The following PSMB9 variants were observed in gnomAD, a reference collection of about 807,000 sequenced individuals.
PSMB9 encodes the protein proteasome subunit beta type-9.
A neutral mutation model predicts 26.9 loss-of-function variants in PSMB9; 16 were observed. That is an observed-to-expected ratio of 0.59 (90% CI 0.40 to 0.90). The LOEUF (loss-of-function observed/expected upper bound fraction) is 0.90, where lower values mean the gene tolerates loss of function less well. PSMB9 is among the 40% of genes least tolerant of loss of function. PSMB9 has a pLI of 0.00. For missense variants in PSMB9, 253 were observed against 292.2 expected, an observed-to-expected ratio of 0.87 and a Z score of 0.98; for synonymous variants, 91 against 112.0, an observed-to-expected ratio of 0.81 and a Z score of 1.18.
At position 32,857,324 on chromosome 6, in the gene PSMB9, G is replaced by T. The variant is rs148307794; in HGVS notation, c.190G>T (p.Ala64Ser). The T allele has an allele frequency of 2.5e-4, 401 of 1,612,734 alleles. 1 individual carries two copies. Among genetic ancestry groups the T allele is most frequent in the Admixed American group, 7.0e-4 (42 of 60,000 alleles). Residue 64 changes from alanine to serine, a missense_variant, in exon 3 of 6, where the codon GCA becomes TCA. By Grantham distance (99) the Ala-to-Ser change is moderately conservative. Transcript: ENST00000374859. ...CCCGCTGCACGAGCGCATCTACTGT[G>T]CACTCTCTGGTTCAGCTGCTGATGC... is the stretch of plus-strand genomic sequence containing the variant. The part of the protein sequence containing the change: ...LSPLHERIYC[A>S]LSGSAADAQA...
chr6:32,854,370 A>G lies in PSMB9; in HGVS notation c.60+81A>G. 3 of 1,344,550 alleles carry G rather than the reference A, an allele frequency of 2.2e-6. No homozygotes were observed. Among genetic ancestry groups the G allele is most frequent in the Non-Finnish European group, 3.0e-6 (3 of 1,016,168 alleles). 83.3% of individuals were successfully genotyped at this position (1,344,550 alleles called of 1,614,324 possible). A position where few individuals can be genotyped will look rare whatever the true frequency, so the allele number is the denominator to read the frequency against. ...GGGACCCTGGAAGCGCGCGCGGAGAAGTGAATGCAGAGACCAACGGGAGCG... is the reference window on the plus strand; with the variant it reads ...GGGACCCTGGAAGCGCGCGCGGAGAGGTGAATGCAGAGACCAACGGGAGCG... On this transcript the variant is annotated intron_variant, in intron 1 of 5. Transcript: ENST00000374859. The surrounding 1 kb of genome is among the most constrained non-coding windows in gnomAD (Gnocchi z 4.6).
chr6:32,856,195 G>A lies in PSMB9; in HGVS notation c.118G>A (p.Val40Met), dbSNP rs749886366. The change falls in exon 2 of 6, where the codon GTG (valine) becomes ATG (methionine). Residue 40 changes from valine (V) to methionine (M), a missense_variant. Coordinates refer to ENST00000374859, the MANE Select transcript of PSMB9 (RefSeq NM_002800.5). ...CGTTGTGATGGGTTCTGATTCCCGA[G>A]TGTCTGCAGGGTGAGTAAAAGTGAA... is the stretch of plus-strand genomic sequence containing the variant. ...GGVVMGSDSR[V>M]SAGEAVVNRV... 7.4e-6 allele frequency: 12 copies of A among 1,612,656 alleles called. No individual in the cohort carries two copies. The highest frequency in any genetic ancestry group is 3.3e-5 in the Admixed American group (2 of 60,000).
rs559603286 is a variant in PSMB9, at chr6:32,854,645, G to C, written c.60+356G>C. On this transcript the variant is annotated intron_variant, in intron 1 of 5. Coordinates refer to ENST00000374859, the MANE Select transcript of PSMB9 (RefSeq NM_002800.5). The surrounding 1 kb of genome is among the most constrained non-coding windows in gnomAD (Gnocchi z 4.6). ...AAGGGGGTTGGGGATGGTGCAAAGA[G>C]ATGAGGAAATGGTGCCCTGGGTGAA... Among the ~76,000 whole-genome samples the C allele has an allele frequency of 4.7e-4, 72 of 152,324 alleles. No individual in the cohort carries two copies. The highest frequency in any genetic ancestry group is 1.7e-3 in the African/African-American group (69 of 41,570).
intron 3 of PSMB9, 50 bp downstream of exon 3, chr6:32,857,444 C>A (rs1226035716): frequency 1.3e-6 from 2 of 1,586,276 alleles, no homozygotes; most frequent in Non-Finnish European, 1.7e-6. Context: ...CTCCCCCAAC[C>A]TGCATGAATC....
At position 32,858,877 on chromosome 6, in the gene PSMB9, A is replaced by C; in HGVS notation, c.532+372A>C. On this transcript the variant is annotated intron_variant, in intron 5 of 5. Transcript: ENST00000374859. This position sits in a 1 kb window ranked among gnomAD's most constrained non-coding sequence, Gnocchi z 5.2. ...TGGTGAAACCCTGTCTCCACAAAAA[A>C]CAATAAAAAAAAGTAAAAAAAAAAA... 1 of 324,590 alleles carries C rather than the reference A, an allele frequency of 3.1e-6. No individual in the cohort carries two copies. The highest frequency in any genetic ancestry group is 5.7e-6 in the Non-Finnish European group (1 of 174,612). 20.1% of individuals were successfully genotyped at this position (324,590 alleles called of 1,614,324 possible). A position where few individuals can be genotyped will look rare whatever the true frequency, so the allele number is the denominator to read the frequency against.
rs150501908 is a variant in PSMB9, at chr6:32,855,455, A to C, written c.61-683A>C. 3.8e-3 allele frequency among the ~76,000 whole-genome samples: 579 copies of C among 152,246 alleles called. 6 individuals are homozygous for C. Among genetic ancestry groups the C allele is most frequent in the Middle Eastern group, 0.02 (6 of 294 alleles). The stretch of plus-strand genomic sequence containing the variant: ...AAAGTCAGCTTAAACTTCTCAGTCA[A>C]ATTATCTCTTGGTACAAATTTACCT... On this transcript the variant is annotated intron_variant, in intron 1 of 5. Coordinates refer to ENST00000374859, the MANE Select transcript of PSMB9 (RefSeq NM_002800.5).
intron 1 of PSMB9, among the ~76,000 whole-genome samples, chr6:32,855,516 G>A (rs180705353): frequency 2.9e-4 from 44 of 152,178 alleles, no homozygotes; most frequent in African/African-American, 6.7e-4. Flanking sequence ...CCTCTTGATC[G>A]GAAATTCCAT....
Position 32,859,433 on chromosome 6 carries a change from C to G in PSMB9, c.561C>G (p.Gly187=). 1 of 1,613,320 alleles carries G rather than the reference C, an allele frequency of 6.2e-7. No individual in the cohort carries two copies. Among genetic ancestry groups the G allele is most frequent in the Non-Finnish European group, 8.5e-7 (1 of 1,179,734 alleles). ...TTGCTCTGGCCATGAGCCGGGATGG[C>G]TCAAGCGGGGGTGTCATCTACCTGG... is the stretch of plus-strand genomic sequence containing the variant. ...DAIALAMSRD[G]SSGGVIYLVT... The change falls in exon 6 of 6, where the codon GGC becomes GGG. Residue 187 remains glycine, a synonymous_variant. Coordinates refer to ENST00000374859, the MANE Select transcript of PSMB9 (RefSeq NM_002800.5).
intron 2 of PSMB9, 110 bp downstream of exon 2, chr6:32,856,315 G>A: frequency 8.9e-7 from 1 of 1,118,930 alleles, no homozygotes; most frequent in South Asian, 1.4e-5. Flanking sequence ...TGGAGGAATG[G>A]AGTTGACCTT....
chr6:32,857,257 T>G lies in PSMB9; in HGVS notation c.129-6T>G. 1 of 1,583,220 alleles carries G rather than the reference T, an allele frequency of 6.3e-7. No homozygotes were observed. Among genetic ancestry groups the G allele is most frequent in the South Asian group, 1.1e-5 (1 of 88,524 alleles). On this transcript the variant is annotated splice_polypyrimidine_tract_variant and splice_region_variant and intron_variant, in intron 2 of 5. Coordinates refer to ENST00000374859, the MANE Select transcript of PSMB9 (RefSeq NM_002800.5). ...AACTTGGTGACTGTTGACTCCCTCC[T>G]GACAGCGAGGCGGTGGTGAACCGAG...
chr6:32,856,358 G>C, intron 2 of PSMB9, 153 bp downstream of exon 2: 1 of 705,996 alleles, frequency 1.4e-6, no homozygotes, highest in Admixed American at 2.8e-5. Flanking sequence ...CTATTTGGTG[G>C]GTGCTTGGGT....
At position 32,854,995 on chromosome 6, in the gene PSMB9, C is replaced by T. The variant is rs1397335334; in HGVS notation, c.60+706C>T. Among the ~76,000 whole-genome samples, 3 of 152,212 alleles carry T rather than the reference C, an allele frequency of 2.0e-5. No individual in the cohort carries two copies. Among genetic ancestry groups the T allele is most frequent in the Admixed American group, 1.3e-4 (2 of 15,288 alleles). On this transcript the variant is annotated intron_variant, in intron 1 of 5. Transcript: ENST00000374859. This position sits in a 1 kb window ranked among gnomAD's most constrained non-coding sequence, Gnocchi z 4.6. The stretch of plus-strand genomic sequence containing the variant: ...TCTGCTCTGGACTACTGCCACCACT[C>T]GTGGCTTGGGGGCGGCTTTGTTAGA...
chr6:32,859,062 A>AG (rs545160838), intron 5 of PSMB9, among the ~76,000 whole-genome samples: 1 of 151,250 alleles, frequency 6.6e-6, no homozygotes, highest in Non-Finnish European at 1.5e-5. Context: ...GAGAAAAAAA[A>AG]AAAAAAAAAG....
In PSMB9 at chr6:32,854,258, A is replaced by T. The variant is rs1771034319; in HGVS notation, c.29A>T (p.Asp10Val). MLRAGAPTGDLPRAGEVHTG... is the reference protein window; with the variant it reads MLRAGAPTGVLPRAGEVHTG... ...CTGCGGGCGGGAGCACCAACCGGGG[A>T]CTTACCCCGGGCGGGAGAAGTCCAC... Residue 10 changes from aspartate to valine, a missense_variant, in exon 1 of 6, where the codon GAC (aspartate) becomes GTC (valine). Physicochemically the swap from Asp to Val is radical, Grantham distance 152. Transcript: ENST00000374859. The surrounding 1 kb of genome is among the most constrained non-coding windows in gnomAD (Gnocchi z 4.6). The T allele has an allele frequency of 3.9e-6, 6 of 1,530,170 alleles. No individual in the cohort carries two copies. The highest frequency in any genetic ancestry group is 5.3e-6 in the Non-Finnish European group (6 of 1,140,828). The allele number at this position is 1,530,170 out of a possible 1,614,324, so 94.8% of individuals were successfully genotyped here.
At position 32,858,313 on chromosome 6, in the gene PSMB9, A is replaced by G. The variant is rs1244859437; in HGVS notation, c.391-51A>G. 1 of 1,611,952 alleles carries G rather than the reference A, an allele frequency of 6.2e-7. No homozygotes were observed. Among genetic ancestry groups the G allele is most frequent in the Non-Finnish European group, 8.5e-7 (1 of 1,179,416 alleles). ...GGGTGCAGAGACCACTTAATGTCTC[A>G]GTGGGAAGGAAGGGCTTGATGATTC... On this transcript the variant is annotated intron_variant, in intron 4 of 5. Transcript: ENST00000374859. The surrounding 1 kb of genome is among the most constrained non-coding windows in gnomAD (Gnocchi z 5.2).
Position 32,858,715 on chromosome 6 carries a change from C to A in PSMB9, c.532+210C>A. The A allele has an allele frequency of 1.5e-6, 1 of 649,558 alleles. No individual in the cohort carries two copies. Among genetic ancestry groups the A allele is most frequent in the Non-Finnish European group, 2.7e-6 (1 of 370,932 alleles). 40.2% of individuals were successfully genotyped at this position (649,558 alleles called of 1,614,324 possible). A position where few individuals can be genotyped will look rare whatever the true frequency, so the allele number is the denominator to read the frequency against. The stretch of plus-strand genomic sequence containing the variant: ...TAAACCAGGGCTGTTCTGAGTAAAT[C>A]AAATGAGGATACACAGTCACTGTGA... On this transcript the variant is annotated intron_variant, in intron 5 of 5. Coordinates refer to ENST00000374859, the MANE Select transcript of PSMB9 (RefSeq NM_002800.5). The surrounding 1 kb of genome is among the most constrained non-coding windows in gnomAD (Gnocchi z 5.2).
In PSMB9 at chr6:32,858,686, C is replaced by T. The variant is rs1336773722; in HGVS notation, c.532+181C>T. The T allele has an allele frequency of 1.1e-5, 8 of 748,350 alleles. No homozygotes were observed. Among genetic ancestry groups the T allele is most frequent in the African/African-American group, 6.9e-5 (4 of 57,606 alleles). 46.4% of individuals were successfully genotyped at this position (748,350 alleles called of 1,614,324 possible). On this transcript the variant is annotated intron_variant, in intron 5 of 5. Coordinates refer to ENST00000374859, the MANE Select transcript of PSMB9 (RefSeq NM_002800.5). The surrounding 1 kb of genome is among the most constrained non-coding windows in gnomAD (Gnocchi z 5.2). ...AGCTCAATGGGGTTCTTGGGCAATACGGATAAACCAGGGCTGTTCTGAGTA... is the reference window on the plus strand; with the variant it reads ...AGCTCAATGGGGTTCTTGGGCAATATGGATAAACCAGGGCTGTTCTGAGTA...
At position 32,858,539 on chromosome 6, in the gene PSMB9, G is replaced by T; in HGVS notation, c.532+34G>T. 1 of 1,612,592 alleles carries T rather than the reference G, an allele frequency of 6.2e-7. No homozygotes were observed. Among genetic ancestry groups the T allele is most frequent in the Non-Finnish European group, 8.5e-7 (1 of 1,179,992 alleles). On this transcript the variant is annotated intron_variant, in intron 5 of 5. Transcript: ENST00000374859. The surrounding 1 kb of genome is among the most constrained non-coding windows in gnomAD (Gnocchi z 5.2). ...CCAAGTGGAAGGGTACCTGGGGAGGGCTTTGAAACATGGGAAGGAAGTAGA... is the reference window on the plus strand; with the variant it reads ...CCAAGTGGAAGGGTACCTGGGGAGGTCTTTGAAACATGGGAAGGAAGTAGA...
Position 32,854,415 on chromosome 6 carries a change from A to T in PSMB9, c.60+126A>T. 1.1e-6 allele frequency: 1 copy of T among 888,692 alleles called. No homozygotes were observed. The highest frequency in any genetic ancestry group is 1.7e-6 in the Non-Finnish European group (1 of 605,258). 55.1% of individuals were successfully genotyped at this position (888,692 alleles called of 1,614,324 possible). On this transcript the variant is annotated intron_variant, in intron 1 of 5. Coordinates refer to ENST00000374859, the MANE Select transcript of PSMB9 (RefSeq NM_002800.5). The surrounding 1 kb of genome is among the most constrained non-coding windows in gnomAD (Gnocchi z 4.6). The stretch of plus-strand genomic sequence containing the variant: ...GGAGCGCAGGGAGGTCGCCTGTAGC[A>T]GCCAGCGCTTGCAACCCGCAATGAG...
Sources: allele counts gnomAD v4.1 joint callset (sites outside exome capture counted in the v4.1 genomes callset), GRCh38; gene constraint gnomAD v4.1.1; non-coding constraint Gnocchi (gnomAD v3.1); transcripts MANE v1.5; gene names NCBI Gene and HGNC (gene_info 2026-07-23, HGNC 2026-07-21).